The following TMC2 variants were observed in gnomAD, a reference collection of about 807,000 sequenced individuals.
TMC2 encodes transmembrane channel like 2, also known as transmembrane channel-like protein 2.
In TMC2, 102 loss-of-function variants were observed where a neutral mutation model predicts 105.9. The observed-to-expected ratio is 0.96, with a 90% CI of 0.82 to 1.14. TMC2 has a LOEUF of 1.14. Among genes scored for constraint, TMC2 ranks in the 50% most tolerant of loss-of-function variants. TMC2 has a pLI of 0.00. For missense variants in TMC2, 1,093 were observed against 1,134.3 expected, an observed-to-expected ratio of 0.96 and a Z score of 0.52; for synonymous variants, 402 against 422.8, an observed-to-expected ratio of 0.95 and a Z score of 0.60.
chr20:2,604,738 G>A (rs2086376983), intron 11 of TMC2, among the ~76,000 whole-genome samples: 1 of 152,110 alleles, frequency 6.6e-6, no homozygotes, highest in Non-Finnish European at 1.5e-5. Flanking sequence ...AGGTTGAGTT[G>A]ATCACTAATG....
chr20:2,551,048 T>A (rs1331763880), intron 2 of TMC2, among the ~76,000 whole-genome samples: 1 of 152,240 alleles, frequency 6.6e-6, no homozygotes, highest in East Asian at 1.9e-4. Context: ...TTTAGTTTTG[T>A]AAGAAACTGC....
intron 8 of TMC2, among the ~76,000 whole-genome samples, chr20:2,594,535 C>T (rs376146187): frequency 3.3e-5 from 5 of 152,224 alleles, no homozygotes; most frequent in African/African-American, 1.2e-4. Flanking sequence ...ACCCCCTATC[C>T]CTAATTTGAT....
chr20:2,619,519 A>G (rs1325749042), intron 16 of TMC2, among the ~76,000 whole-genome samples: 1 of 152,194 alleles, frequency 6.6e-6, no homozygotes, highest in Non-Finnish European at 1.5e-5. Context: ...CCGCACAAAC[A>G]CACTTTGAGA....
intron 10 of TMC2, among the ~76,000 whole-genome samples, chr20:2,600,344 T>G (rs889141443): frequency 2.6e-5 from 4 of 152,194 alleles, no homozygotes; most frequent in Admixed American, 2.0e-4. Flanking sequence ...AGTTTAATAA[T>G]CAAAAATCAA....
chr20:2,581,818 T>C (rs993198091), intron 7 of TMC2, among the ~76,000 whole-genome samples: 3 of 152,216 alleles, frequency 2.0e-5, no homozygotes. Flanking sequence ...TTTATGTAAG[T>C]TTTTAATATT....
chr20:2,538,353 C>T (rs1042413169), intron 2 of TMC2, among the ~76,000 whole-genome samples: 1 of 152,172 alleles, frequency 6.6e-6, no homozygotes, highest in African/African-American at 2.4e-5. Context: ...TCTTCCTACC[C>T]CACCTGCCTG....
chr20:2,572,277 G>C lies in TMC2; in HGVS notation c.645+8G>C, dbSNP rs551804817. The C allele has an allele frequency of 1.4e-5, 22 of 1,608,374 alleles. No homozygotes were observed. The African/African-American group carries it at 2.3e-4, about 17-fold the overall frequency. On this transcript the variant is annotated splice_region_variant and intron_variant, in intron 5 of 19. Coordinates refer to ENST00000358864, the MANE Select transcript of TMC2 (RefSeq NM_080751.3). ...AAGATGCTGATGGCCAAGGTGTGTG[G>C]GGTGGGGGCAGTGAATCTGTTGGGA...
intron 5 of TMC2, among the ~76,000 whole-genome samples, chr20:2,575,994 T>G (rs1254222421): frequency 1.3e-5 from 2 of 152,242 alleles, no homozygotes; most frequent in Non-Finnish European, 2.9e-5. Context: ...TGACCTGCTT[T>G]CTAGAATTTA....
chr20:2,599,295 TAAAAAA>T (rs11473820), intron 10 of TMC2, among the ~76,000 whole-genome samples: 4 of 126,832 alleles, frequency 3.2e-5, no homozygotes, highest in African/African-American at 8.8e-5. Flanking sequence ...GGGATAATGT[TAAAAAA>T]AAAAAAAAAA....
intron 2 of TMC2, among the ~76,000 whole-genome samples, chr20:2,539,460 A>G (rs1172861738): frequency 6.6e-6 from 1 of 152,208 alleles, no homozygotes; most frequent in African/African-American, 2.4e-5. Flanking sequence ...TCATTACCAC[A>G]ATGAAAACCA....
rs2085968643 is a variant in TMC2 at position 2,553,505 on chromosome 20, T to C, written c.83-4951T>C. Among the ~76,000 whole-genome samples the C allele has an allele frequency of 2.0e-5, 3 of 152,300 alleles. No individual in the cohort carries two copies. The South Asian group carries it at 6.2e-4, about 32-fold the overall frequency. On this transcript the variant is annotated intron_variant, in intron 2 of 19. Coordinates refer to ENST00000358864, the MANE Select transcript of TMC2 (RefSeq NM_080751.3). ...ATTCAATTTTCTATTTTATTAAGGA[T>C]TTTTGTATCTATGTTTATAAGAGAT...
intron 5 of TMC2, among the ~76,000 whole-genome samples, chr20:2,573,753 G>A (rs1161362354): frequency 6.6e-6 from 1 of 150,386 alleles, no homozygotes; most frequent in African/African-American, 2.5e-5. Flanking sequence ...GTAGAGACGG[G>A]GTTTCACCGT....
chr20:2,612,093 G>A, intron 12 of TMC2, 98 bp from the exon 13 acceptor site: 2 of 1,244,280 alleles, frequency 1.6e-6, no homozygotes, highest in African/African-American at 3.0e-5. Flanking sequence ...GAAGCTAGAT[G>A]GTAGGGTTGT....
Position 2,602,209 on chromosome 20 carries a change from TTGTG to T in TMC2, c.1324_1327del (p.Cys442GlufsTer30), listed in dbSNP as rs1233135114. 1 of 1,613,608 alleles carries T rather than the reference TTGTG, an allele frequency of 6.2e-7. No individual in the cohort carries two copies. The highest frequency in any genetic ancestry group is 1.6e-4 in the Middle Eastern group (1 of 6,082). On this transcript the variant is annotated frameshift_variant, in exon 11 of 20. Coordinates refer to ENST00000358864, the MANE Select transcript of TMC2 (RefSeq NM_080751.3). LOFTEE classifies it high-confidence loss of function. ...GGCCAACTTTCTCATCATCTGCTGTTTGTGTGGAAGTGGGTACCTCATTTACTTT... is the reference window on the plus strand; with the variant it reads ...GGCCAACTTTCTCATCATCTGCTGTTTGGAAGTGGGTACCTCATTTACTTT...
intron 17 of TMC2, among the ~76,000 whole-genome samples, chr20:2,629,816 G>C (rs1034906796): frequency 1.3e-5 from 2 of 152,188 alleles, no homozygotes; most frequent in African/African-American, 2.4e-5. Flanking sequence ...TAGTCCACAA[G>C]CTAAATCCGG....
Position 2,617,252 on chromosome 20 carries a change from C to A in TMC2, c.2121C>A (p.Leu707=), listed in dbSNP as rs1395788971. 1.9e-6 allele frequency: 3 copies of A among 1,614,228 alleles called. No homozygotes were observed. In the Admixed American group the frequency reaches 5.0e-5, roughly 27 times the overall value. ...GLLLLVLFLS[L]LPVAYTIMSL... is the part of the protein sequence containing the mutation. ...TGCTGCTGGTGCTCTTCCTCAGCCT[C>A]CTGCCGGTGGCCTACACCATCATGT... Residue 707 remains leucine (L), a synonymous_variant, in exon 16 of 20, where the codon CTC becomes CTA. Coordinates refer to ENST00000358864, the MANE Select transcript of TMC2 (RefSeq NM_080751.3).
At chr20:2,585,175 T>C (rs1328068840) in intron 7 of TMC2, among the ~76,000 whole-genome samples, 1 of 152,220 alleles carries the variant, frequency 6.6e-6, no homozygotes, top group Non-Finnish European at 1.5e-5. Context: ...TGAAATGGAA[T>C]TGAAAATTAC....
intron 2 of TMC2, among the ~76,000 whole-genome samples, chr20:2,555,519 G>A (rs921776094): frequency 6.6e-6 from 1 of 151,892 alleles, no homozygotes; most frequent in Non-Finnish European, 1.5e-5. Flanking sequence ...TAATCTATAA[G>A]TCTGTTTATA....
chr20:2,586,199 A>G (rs66568047), intron 7 of TMC2, among the ~76,000 whole-genome samples: 50,808 of 152,000 alleles, frequency 0.33, 10,470 homozygotes, highest in Admixed American at 0.46. Flanking sequence ...CCATGGGGGT[A>G]GCTCTTTAAA....
Sources: allele counts gnomAD v4.1 joint callset (sites outside exome capture counted in the v4.1 genomes callset), GRCh38; gene constraint gnomAD v4.1.1; transcripts MANE v1.5; gene names NCBI Gene and HGNC (gene_info 2026-07-23, HGNC 2026-07-21).